Variants in DACH2 observed in about 807,000 individuals in gnomAD.
DACH2 encodes dachshund family transcription factor 2.
In DACH2, 17 loss-of-function variants were observed where a neutral mutation model predicts 35.8. The ratio of observed to expected loss-of-function variants is 0.48; its 90% CI spans 0.33 to 0.71. The LOEUF (loss-of-function observed/expected upper bound fraction) is 0.71. Ranked by LOEUF, DACH2 falls within the 30% of genes least tolerant of loss-of-function variation. DACH2 has a pLI of 0.02. For synonymous variants in DACH2, 195 were observed against 177.3 expected, an observed-to-expected ratio of 1.10 and a Z score of -0.79; for missense variants, 469 against 472.7, an observed-to-expected ratio of 0.99 and a Z score of 0.07.
At chrX:86,200,197 G>T (rs2032112371) in intron 1 of DACH2, among the ~76,000 whole-genome samples, 1 of 110,987 alleles carries the variant, frequency 9.0e-6, no homozygotes, top group Non-Finnish European at 1.9e-5. Flanking sequence ...AATAGGGAAA[G>T]GACTCCCTAT....
intron 6 of DACH2, among the ~76,000 whole-genome samples, chrX:86,715,387 G>A (rs902710896): frequency 9.0e-6 from 1 of 111,315 alleles, no homozygotes; most frequent in African/African-American, 3.3e-5. Context: ...AAACACAAAG[G>A]ATATTTCGTA....
chrX:86,489,155 A>C (rs1352987430), intron 2 of DACH2, among the ~76,000 whole-genome samples: 1 of 111,292 alleles, frequency 9.0e-6, no homozygotes, highest in African/African-American at 3.3e-5. Flanking sequence ...TCTGTTCATA[A>C]ATTTATATCT....
At chrX:86,428,248 T>TA (rs1242843125) in intron 2 of DACH2, among the ~76,000 whole-genome samples, 3 of 111,922 alleles carry the variant, frequency 2.7e-5, no homozygotes, top group Middle Eastern at 9.5e-3. Context: ...CAAATAATGA[T>TA]AAAAAAGTTA....
At chrX:86,174,064 TG>T (rs1307247071) in intron 1 of DACH2, among the ~76,000 whole-genome samples, 2 of 107,670 alleles carry the variant, frequency 1.9e-5, no homozygotes, top group African/African-American at 3.4e-5. Flanking sequence ...TTCATTTAGT[TG>T]GGGGGGAAGG....
intron 1 of DACH2, among the ~76,000 whole-genome samples, chrX:86,156,481 C>T (rs776383490): frequency 9.0e-6 from 1 of 110,856 alleles, no homozygotes; most frequent in African/African-American, 3.3e-5. Flanking sequence ...ATTTTAAATC[C>T]AATATAAAAC....
intron 3 of DACH2, among the ~76,000 whole-genome samples, chrX:86,597,004 T>C (rs2039721427): frequency 8.9e-6 from 1 of 111,732 alleles, no homozygotes; most frequent in Non-Finnish European, 1.9e-5. Context: ...TGTCTATCTT[T>C]ACAAAAGTTC....
chrX:86,306,335 G>A (rs2034687930), intron 1 of DACH2, among the ~76,000 whole-genome samples: 1 of 112,154 alleles, frequency 8.9e-6, no homozygotes, highest in Non-Finnish European at 1.9e-5. Flanking sequence ...TAGGTAAAAT[G>A]AGCCAGGCAC....
At chrX:86,494,822 G>A (rs1195269900) in intron 2 of DACH2, among the ~76,000 whole-genome samples, 1 of 111,999 alleles carries the variant, frequency 8.9e-6, no homozygotes, top group Non-Finnish European at 1.9e-5. Context: ...TTACAAATAT[G>A]AGTAGTATAT....
chrX:86,375,279 A>G (rs960341231), intron 1 of DACH2, among the ~76,000 whole-genome samples: 1 of 104,990 alleles, frequency 9.5e-6, no homozygotes, highest in African/African-American at 3.4e-5. Context: ...TATGAAACTC[A>G]TGCCATAGGA....
chrX:86,424,086 G>T (rs1466164298), intron 2 of DACH2, among the ~76,000 whole-genome samples: 1 of 110,570 alleles, frequency 9.0e-6, no homozygotes, highest in Non-Finnish European at 1.9e-5. Context: ...GGTTCCTATA[G>T]CTCTGTAGTA....
chrX:86,433,202 C>A (rs1000767118), intron 2 of DACH2, among the ~76,000 whole-genome samples: 6 of 111,624 alleles, frequency 5.4e-5, no homozygotes, highest in Admixed American at 9.6e-5. Context: ...AAAGATGATA[C>A]AAAAAGTGTC....
At chrX:86,442,586 G>A (rs1258799462) in intron 2 of DACH2, among the ~76,000 whole-genome samples, 4 of 109,554 alleles carry the variant, frequency 3.7e-5, no homozygotes, top group Admixed American at 9.9e-5. Flanking sequence ...TGCTTTTGTA[G>A]CTTATTCTTT....
intron 4 of DACH2, among the ~76,000 whole-genome samples, chrX:86,666,749 G>T (rs1423916931): frequency 8.9e-6 from 1 of 111,941 alleles, no homozygotes; most frequent in Non-Finnish European, 1.9e-5. Flanking sequence ...AAGGGAAAAA[G>T]AGAGGTGTGG....
At chrX:86,659,165 CAAGA>C (rs1050288562) in intron 4 of DACH2, among the ~76,000 whole-genome samples, 15 of 110,501 alleles carry the variant, frequency 1.4e-4, no homozygotes, top group African/African-American at 4.9e-4. Context: ...CTCCTGGTAC[CAAGA>C]ACTGTTTTGA....
At chrX:86,725,019 G>T (rs1403669492) in intron 6 of DACH2, among the ~76,000 whole-genome samples, 1 of 96,865 alleles carries the variant, frequency 1.0e-5, no homozygotes, top group African/African-American at 3.7e-5. Context: ...TTTCGGTTCT[G>T]GAATTTCTAT....
At chrX:86,563,161 A>G (rs1376923626) in intron 3 of DACH2, among the ~76,000 whole-genome samples, 7 of 108,861 alleles carry the variant, frequency 6.4e-5, no homozygotes, top group Non-Finnish European at 5.7e-5. Context: ...ACAACACTTT[A>G]TAAGTATGGT....
chrX:86,293,519 C>G (rs764890621), intron 1 of DACH2, among the ~76,000 whole-genome samples: 1 of 109,323 alleles, frequency 9.1e-6, no homozygotes, highest in Non-Finnish European at 1.9e-5. Context: ...TTCCTAGTCT[C>G]GATGGTCTTT....
At chrX:86,299,728 A>G (rs2034537795) in intron 1 of DACH2, among the ~76,000 whole-genome samples, 1 of 111,711 alleles carries the variant, frequency 9.0e-6, no homozygotes, top group South Asian at 3.7e-4. Flanking sequence ...AAATTTTCAA[A>G]TAATATGCAT....
rs917639789 is a variant in DACH2, at chrX:86,766,703, G to A, written c.1240+26821G>A. 7.2e-5 allele frequency among the ~76,000 whole-genome samples: 8 copies of A among 111,795 alleles called. 1 individual carries two copies. The South Asian group carries it at 3.0e-3, about 42-fold the overall frequency. ...CCTTATTTATTGAAATCCCAATCAGGCTTTCAAGGCCCAATTACTGGAATA... is the reference window on the plus strand; with the variant it reads ...CCTTATTTATTGAAATCCCAATCAGACTTTCAAGGCCCAATTACTGGAATA... On this transcript the variant is annotated intron_variant, in intron 7 of 11. Coordinates refer to ENST00000373125, the MANE Select transcript of DACH2 (RefSeq NM_053281.3).
Sources: allele counts gnomAD v4.1 joint callset (sites outside exome capture counted in the v4.1 genomes callset), GRCh38; gene constraint gnomAD v4.1.1; transcripts MANE v1.5; gene names NCBI Gene and HGNC (gene_info 2026-07-23, HGNC 2026-07-21).